UBR1: variants seen among roughly 807,000 people sequenced by gnomAD.
The protein encoded by UBR1 is ubiquitin protein ligase E3 component n-recognin 1.
A neutral mutation model predicts 242.1 loss-of-function variants in UBR1; 102 were observed. The ratio of observed to expected loss-of-function variants is 0.42; its 90% CI spans 0.36 to 0.50. UBR1 has a LOEUF of 0.50. Among genes scored for constraint, UBR1 ranks in the 20% least tolerant of loss-of-function variants. UBR1 has a pLI of 0.01. For missense variants in UBR1, 1,772 were observed against 2,101.8 expected, an observed-to-expected ratio of 0.84 and a Z score of 3.07; for synonymous variants, 675 against 684.8, an observed-to-expected ratio of 0.99 and a Z score of 0.22.
At position 43,005,026 on chromosome 15, in the gene UBR1, C is replaced by T. The variant is rs79447865; in HGVS notation, c.3416-1096G>A. 2.9e-4 allele frequency among the ~76,000 whole-genome samples: 44 copies of T among 151,668 alleles called. No homozygotes were observed. The East Asian group carries it at 8.0e-3, about 27-fold the overall frequency. Reference sequence around the variant, plus strand: ...GATGTGAGGAGTGCTTCTGCCCAGCCGCGACCCCGTCTGGGAACTGAGGAG... The same window carrying T: ...GATGTGAGGAGTGCTTCTGCCCAGCTGCGACCCCGTCTGGGAACTGAGGAG... On this transcript the variant is annotated intron_variant, in intron 30 of 46. Coordinates refer to ENST00000290650, the MANE Select transcript of UBR1 (RefSeq NM_174916.3).
chr15:42,987,844 A>G (rs2141275304), intron 35 of UBR1, among the ~76,000 whole-genome samples: 1 of 152,290 alleles, frequency 6.6e-6, no homozygotes, highest in African/African-American at 2.4e-5. Flanking sequence ...AATTACCAAA[A>G]ATATATATAT....
chr15:43,095,664 T>C (rs1040593357), intron 1 of UBR1, among the ~76,000 whole-genome samples: 3 of 152,208 alleles, frequency 2.0e-5, no homozygotes, highest in African/African-American at 4.8e-5. Context: ...GCGGTCATAG[T>C]AAATCACCTG....
At chr15:43,002,499 G>T in intron 32 of UBR1, 56 bp downstream of exon 32, 1 of 1,578,288 alleles carries the variant, frequency 6.3e-7, no homozygotes, top group African/African-American at 1.4e-5. Context: ...GGGATCACAG[G>T]CCACTGCACC....
chr15:43,010,493 A>T (rs547388361), intron 29 of UBR1, among the ~76,000 whole-genome samples: 2 of 152,330 alleles, frequency 1.3e-5, no homozygotes, highest in Non-Finnish European at 2.9e-5. Flanking sequence ...GCTGAATGAC[A>T]CGCTATAATT....
chr15:42,953,478 A>C (rs1314991149), intron 44 of UBR1, among the ~76,000 whole-genome samples: 1 of 152,190 alleles, frequency 6.6e-6, no homozygotes, highest in Non-Finnish European at 1.5e-5. Context: ...AAAACAAAAA[A>C]CACCTGTCTC....
intron 10 of UBR1, among the ~76,000 whole-genome samples, chr15:43,058,107 A>G (rs888132440): frequency 1.3e-5 from 2 of 152,030 alleles, no homozygotes; most frequent in East Asian, 3.9e-4. Context: ...ACGGGGTTTC[A>G]CCGTGTTGGC....
intron 41 of UBR1, among the ~76,000 whole-genome samples, chr15:42,964,513 G>A (rs1338813871): frequency 6.6e-6 from 1 of 152,034 alleles, no homozygotes; most frequent in African/African-American, 2.4e-5. Context: ...CCCATGGGTG[G>A]CAAATAAGTC....
intron 40 of UBR1, among the ~76,000 whole-genome samples, chr15:42,967,219 GTTTTTTTT>G (rs55879443): frequency 8.8e-6 from 1 of 113,216 alleles, no homozygotes; most frequent in Admixed American, 1.0e-4. Flanking sequence ...TGCTCAACTA[GTTTTTTTT>G]TTTTTTTTTT....
chr15:43,049,294 T>C (rs1387101813), intron 12 of UBR1, among the ~76,000 whole-genome samples: 1 of 152,224 alleles, frequency 6.6e-6, no homozygotes. Context: ...AGGTAATGTA[T>C]GGCTCACGCC....
chr15:43,053,827 ATT>A (rs752733899), intron 12 of UBR1, among the ~76,000 whole-genome samples: 20 of 132,040 alleles, frequency 1.5e-4, no homozygotes, highest in South Asian at 2.4e-4. Context: ...TACAGACGCA[ATT>A]TTTTTTTTTT....
chr15:42,983,321 G>C (rs1159608182), intron 37 of UBR1, among the ~76,000 whole-genome samples: 1 of 152,036 alleles, frequency 6.6e-6, no homozygotes, highest in Admixed American at 6.6e-5. Flanking sequence ...GGCAGGTAGA[G>C]AAACATAAGT....
intron 23 of UBR1, chr15:43,026,087 C>G (rs1369561293): frequency 1.2e-5 from 2 of 161,870 alleles, no homozygotes; most frequent in African/African-American, 4.8e-5. Flanking sequence ...CAAAAATTAG[C>G]CAGGCATGGT....
At chr15:42,973,376 A>G (rs1596081058) in intron 39 of UBR1, among the ~76,000 whole-genome samples, 1 of 152,128 alleles carries the variant, frequency 6.6e-6, no homozygotes, top group Non-Finnish European at 1.5e-5. Flanking sequence ...GTTCACTGCA[A>G]TCTATGCCTC....
intron 1 of UBR1, among the ~76,000 whole-genome samples, chr15:43,091,697 C>A (rs546971292): frequency 6.6e-6 from 1 of 151,540 alleles, no homozygotes; most frequent in Admixed American, 6.6e-5. Flanking sequence ...TATGGGAGGC[C>A]GAGGTGGGTG....
At chr15:42,996,021 T>C (rs6416436) in intron 33 of UBR1, among the ~76,000 whole-genome samples, 121,528 of 152,094 alleles carry the variant, frequency 0.8, 49,666 homozygotes, top group Non-Finnish European at 0.89. Flanking sequence ...GAAAATGCCA[T>C]GCTCACAGTT....
chr15:43,048,375 C>T lies in UBR1; in HGVS notation c.1539+17G>A, dbSNP rs372244257. ...AAAATAAATTTCTTTTACTGATGTA[C>T]AGAAAAATGATCATACCTGCATACA... On this transcript the variant is annotated intron_variant, in intron 13 of 46. Transcript: ENST00000290650. 6 of 1,590,738 alleles carry T rather than the reference C, an allele frequency of 3.8e-6. No homozygotes were observed. The African/African-American group carries it at 6.7e-5, about 18-fold the overall frequency.
At chr15:43,061,295 G>A (rs1241281183) in intron 6 of UBR1, among the ~76,000 whole-genome samples, 1 of 152,122 alleles carries the variant, frequency 6.6e-6, no homozygotes, top group Non-Finnish European at 1.5e-5. Context: ...ATCCAGAGAG[G>A]ACCTACAGAC....
intron 1 of UBR1, among the ~76,000 whole-genome samples, chr15:43,098,510 T>G (rs1460423691): frequency 6.6e-6 from 1 of 152,186 alleles, no homozygotes; most frequent in Non-Finnish European, 1.5e-5. Flanking sequence ...TGCCTGTATT[T>G]CACTGGTTCA....
intron 2 of UBR1, among the ~76,000 whole-genome samples, chr15:43,084,311 T>C (rs1309121059): frequency 1.3e-5 from 2 of 152,100 alleles, no homozygotes; most frequent in Admixed American, 6.6e-5. Context: ...ACTAAAAATA[T>C]CTCCATGAAA....
Sources: allele counts gnomAD v4.1 joint callset (sites outside exome capture counted in the v4.1 genomes callset), GRCh38; gene constraint gnomAD v4.1.1; transcripts MANE v1.5; gene names NCBI Gene and HGNC (gene_info 2026-07-23, HGNC 2026-07-21).